Variants in NKAIN2 observed in about 807,000 individuals in gnomAD.
NKAIN2 encodes sodium/potassium-transporting ATPase subunit beta-1-interacting protein 2.
Under a neutral mutation model 32.6 loss-of-function variants are expected in NKAIN2, and 14 were observed. The ratio of observed to expected loss-of-function variants is 0.43; its 90% CI spans 0.28 to 0.67. The LOEUF is 0.67. Among genes scored for constraint, NKAIN2 ranks in the 30% least tolerant of loss-of-function variants. NKAIN2 has a pLI of 0.17. For synonymous variants in NKAIN2, 80 were observed against 87.2 expected, an observed-to-expected ratio of 0.92 and a Z score of 0.46; for missense variants, 198 against 258.3, an observed-to-expected ratio of 0.77 and a Z score of 1.60.
chr6:124,814,026 T>C (rs1450639548), intron 5 of NKAIN2, among the ~76,000 whole-genome samples: 3 of 152,316 alleles, frequency 2.0e-5, no homozygotes, highest in South Asian at 2.1e-4. Flanking sequence ...ATTATGGGTA[T>C]CTTAAAAATG....
At chr6:124,323,982 G>A (rs571600218) in intron 2 of NKAIN2, among the ~76,000 whole-genome samples, 8 of 151,754 alleles carry the variant, frequency 5.3e-5, no homozygotes, top group South Asian at 2.1e-4. Context: ...TAATGGTGAC[G>A]GGGTTACACC....
At chr6:124,403,099 A>T (rs552777245) in intron 3 of NKAIN2, among the ~76,000 whole-genome samples, 1 of 152,268 alleles carries the variant, frequency 6.6e-6, no homozygotes, top group Admixed American at 6.5e-5. Context: ...TTAGAATAAA[A>T]TTGTTATTTT....
At chr6:123,806,553 GTA>G (rs1773222081) in intron 1 of NKAIN2, among the ~76,000 whole-genome samples, 1 of 152,002 alleles carries the variant, frequency 6.6e-6, no homozygotes, top group South Asian at 2.1e-4. Context: ...AGGTGGGTGT[GTA>G]TGTTTTCCTT....
intron 1 of NKAIN2, among the ~76,000 whole-genome samples, chr6:123,932,837 A>T (rs1776319155): frequency 7.1e-6 from 1 of 140,200 alleles, no homozygotes; most frequent in Non-Finnish European, 1.5e-5. Flanking sequence ...CTTTCATTAG[A>T]TTTTCTTTTC....
chr6:124,113,123 A>T (rs1785459093), intron 1 of NKAIN2, among the ~76,000 whole-genome samples: 1 of 152,054 alleles, frequency 6.6e-6, no homozygotes, highest in African/African-American at 2.4e-5. Context: ...GACAAAGCAG[A>T]CACCTCTATC....
At chr6:123,968,108 T>G (rs965871170) in intron 1 of NKAIN2, among the ~76,000 whole-genome samples, 1 of 152,200 alleles carries the variant, frequency 6.6e-6, no homozygotes, top group Non-Finnish European at 1.5e-5. Flanking sequence ...GCACTTGACA[T>G]TAATTACACC....
At chr6:124,283,431 A>G (rs1795395925) in intron 2 of NKAIN2, among the ~76,000 whole-genome samples, 1 of 152,220 alleles carries the variant, frequency 6.6e-6, no homozygotes, top group Admixed American at 6.5e-5. Context: ...TCTACATTAT[A>G]AAGTCATGCT....
intron 1 of NKAIN2, among the ~76,000 whole-genome samples, chr6:124,035,599 C>T (rs1233578794): frequency 6.6e-6 from 1 of 152,028 alleles, no homozygotes; most frequent in East Asian, 1.9e-4. Flanking sequence ...TTTATTTTAT[C>T]TATGACTTGG....
chr6:124,233,218 C>T (rs1380661404), intron 1 of NKAIN2, among the ~76,000 whole-genome samples: 1 of 151,614 alleles, frequency 6.6e-6, no homozygotes, highest in African/African-American at 2.4e-5. Context: ...ACAAAGTTAC[C>T]TTTTAGAGAA....
At chr6:123,941,498 G>T (rs1459691219) in intron 1 of NKAIN2, among the ~76,000 whole-genome samples, 1 of 151,670 alleles carries the variant, frequency 6.6e-6, no homozygotes, top group Non-Finnish European at 1.5e-5. Flanking sequence ...TGTTATGATG[G>T]TGTTGATAGA....
intron 2 of NKAIN2, among the ~76,000 whole-genome samples, chr6:124,347,943 G>T (rs1285643130): frequency 6.6e-6 from 1 of 152,276 alleles, no homozygotes; most frequent in East Asian, 1.9e-4. Context: ...TTTCTGCTCT[G>T]TTTTTTCACC....
chr6:124,209,012 A>G (rs1294481874), intron 1 of NKAIN2, among the ~76,000 whole-genome samples: 2 of 151,438 alleles, frequency 1.3e-5, no homozygotes, highest in Admixed American at 6.6e-5. Context: ...TATGCCATAC[A>G]TTATTGTTAA....
intron 1 of NKAIN2, among the ~76,000 whole-genome samples, chr6:124,098,269 C>CA (rs1417327612): frequency 6.6e-6 from 1 of 152,156 alleles, no homozygotes; most frequent in Non-Finnish European, 1.5e-5. Flanking sequence ...TGATTTTCCA[C>CA]ATGACTTAAT....
intron 3 of NKAIN2, among the ~76,000 whole-genome samples, chr6:124,431,963 G>A (rs906419234): frequency 6.6e-6 from 1 of 152,142 alleles, no homozygotes; most frequent in African/African-American, 2.4e-5. Context: ...TCGTTGTTCA[G>A]AAAGAAGACT....
chr6:124,297,112 A>T (rs73773722), intron 2 of NKAIN2, among the ~76,000 whole-genome samples: 4,387 of 152,280 alleles, frequency 0.029, 208 homozygotes, highest in African/African-American at 0.1. Context: ...ATGTCATAAA[A>T]TTATGAAAAC....
chr6:124,802,192 A>G (rs1780291506), intron 5 of NKAIN2, among the ~76,000 whole-genome samples: 1 of 152,176 alleles, frequency 6.6e-6, no homozygotes, highest in African/African-American at 2.4e-5. Context: ...CGCATGTTTT[A>G]TTTTTTTATT....
chr6:124,163,083 G>C (rs1042789467), intron 1 of NKAIN2, among the ~76,000 whole-genome samples: 1 of 151,770 alleles, frequency 6.6e-6, no homozygotes, highest in Non-Finnish European at 1.5e-5. Flanking sequence ...TCTTCATACT[G>C]TGAATATTGG....
chr6:123,809,352 C>A (rs1352043404), intron 1 of NKAIN2, among the ~76,000 whole-genome samples: 1 of 140,200 alleles, frequency 7.1e-6, no homozygotes, highest in Non-Finnish European at 1.6e-5. Flanking sequence ...TTTTTTCATA[C>A]AATGATAGAA....
chr6:124,666,533 A>T (rs1772805477), intron 4 of NKAIN2, among the ~76,000 whole-genome samples: 1 of 152,196 alleles, frequency 6.6e-6, no homozygotes, highest in Non-Finnish European at 1.5e-5. Context: ...CCTCTAAATA[A>T]TAATAAATTC....
Sources: allele counts gnomAD v4.1 joint callset (sites outside exome capture counted in the v4.1 genomes callset), GRCh38; gene constraint gnomAD v4.1.1; transcripts MANE v1.5; gene names NCBI Gene and HGNC (gene_info 2026-07-23, HGNC 2026-07-21).